The following TTK variants were observed in gnomAD, a reference collection of about 807,000 sequenced individuals.
TTK encodes dual specificity protein kinase TTK.
Under a neutral mutation model 117.3 loss-of-function variants are expected in TTK, and 59 were observed. The observed-to-expected ratio is 0.50, with a 90% CI of 0.41 to 0.62. The LOEUF is 0.62. Ranked by LOEUF, TTK falls within the 20% of genes least tolerant of loss-of-function variation. The pLI, the probability that TTK is intolerant of heterozygous loss-of-function variation, is 0.00. For synonymous variants in TTK, 302 were observed against 325.0 expected, an observed-to-expected ratio of 0.93 and a Z score of 0.76; for missense variants, 921 against 989.4, an observed-to-expected ratio of 0.93 and a Z score of 0.93.
At chr6:80,026,045 A>G (rs559362804) in intron 11 of TTK, among the ~76,000 whole-genome samples, 2 of 152,302 alleles carry the variant, frequency 1.3e-5, no homozygotes, top group East Asian at 3.9e-4. Flanking sequence ...TTTCAGAAAC[A>G]CAGGATACTA....
chr6:80,040,473 T>C (rs1768018656), intron 20 of TTK, 133 bp from the exon 21 acceptor site: 2 of 889,196 alleles, frequency 2.2e-6, no homozygotes, highest in South Asian at 4.4e-5. Context: ...TTATTTTTAC[T>C]TATTCCAGAT....
intron 18 of TTK, among the ~76,000 whole-genome samples, chr6:80,038,407 C>G (rs1019815205): frequency 6.6e-6 from 1 of 152,104 alleles, no homozygotes; most frequent in Non-Finnish European, 1.5e-5. Flanking sequence ...ACCCTTCTTT[C>G]TCTACATCAG....
At chr6:80,019,867 A>C (rs917785108) in intron 10 of TTK, among the ~76,000 whole-genome samples, 5 of 152,200 alleles carry the variant, frequency 3.3e-5, no homozygotes, top group Non-Finnish European at 5.9e-5. Context: ...TTGGTCAATA[A>C]ACTCAGACAA....
Position 80,008,151 on chromosome 6 carries a change from C to T in TTK, c.362+120C>T. ...AAAATATTAATTTTTTTACCAAATA[C>T]TTTTGCTTATAGTTAACAAGAGACT... On this transcript the variant is annotated intron_variant, in intron 3 of 21. Coordinates refer to ENST00000369798, the MANE Select transcript of TTK (RefSeq NM_003318.5). 4.8e-6 allele frequency: 6 copies of T among 1,238,630 alleles called. No homozygotes were observed. In the South Asian group the frequency reaches 8.1e-5, roughly 17 times the overall value. The allele number at this position is 1,238,630 out of a possible 1,614,324, so 76.7% of individuals were successfully genotyped here.
rs544489952 is a variant in TTK, at chr6:80,027,896, C to T, written c.1406C>T (p.Pro469Leu). ...TATATATTTCCTAGTTTTAGAACTC[C>T]AGTTGTAAAGAATGACTTTCCACCT... is the stretch of plus-strand genomic sequence containing the variant. ...LDDYMSCFRTPVVKNDFPPAC... is the reference protein window; with the variant it reads ...LDDYMSCFRTLVVKNDFPPAC... Residue 469 changes from proline (P) to leucine (L), a missense_variant, in exon 13 of 22, where the codon CCA (proline) becomes CTA (leucine). Coordinates refer to ENST00000369798, the MANE Select transcript of TTK (RefSeq NM_003318.5). 262 of 1,594,586 alleles carry T rather than the reference C, an allele frequency of 1.6e-4. 4 individuals carry two copies. The East Asian group carries it at 5.8e-3, about 36-fold the overall frequency.
intron 4 of TTK, among the ~76,000 whole-genome samples, chr6:80,009,489 C>G (rs1234374814): frequency 6.6e-6 from 1 of 152,016 alleles, no homozygotes; most frequent in African/African-American, 2.4e-5. Context: ...TTCCTCCTTG[C>G]TTGTTAGAGA....
At chr6:80,015,452 A>T (rs1172800497) in intron 10 of TTK, among the ~76,000 whole-genome samples, 1 of 152,088 alleles carries the variant, frequency 6.6e-6, no homozygotes, top group African/African-American at 2.4e-5. Flanking sequence ...ATTAATTTTT[A>T]ATTTGTTTTA....
Position 80,036,606 on chromosome 6 carries a change from C to T in TTK, c.2049+7C>T, listed in dbSNP as rs768646432. 3.1e-6 allele frequency: 5 copies of T among 1,602,646 alleles called. No homozygotes were observed. In the African/African-American group the frequency reaches 5.4e-5, roughly 17 times the overall value. ...TGTTGTTAAAGATTCTCAGGTAAGA[C>T]TTAATGTTGGTTCTCTCACAGTAGA... On this transcript the variant is annotated splice_region_variant and intron_variant, in intron 17 of 21. Coordinates refer to ENST00000369798, the MANE Select transcript of TTK (RefSeq NM_003318.5).
intron 14 of TTK, among the ~76,000 whole-genome samples, chr6:80,033,050 A>G (rs918095354): frequency 6.6e-6 from 1 of 152,160 alleles, no homozygotes; most frequent in Non-Finnish European, 1.5e-5. Flanking sequence ...TGCTATGCTA[A>G]TCATCTAAAA....
intron 10 of TTK, 111 bp from the exon 11 acceptor site, chr6:80,022,213 T>C (rs1392394389): frequency 2.5e-6 from 3 of 1,177,700 alleles, no homozygotes; most frequent in African/African-American, 1.6e-5. Context: ...CCCTCCTTGA[T>C]TGTTTTTAAG....
intron 8 of TTK, 93 bp downstream of exon 8, chr6:80,012,073 A>G: frequency 2.1e-6 from 2 of 955,374 alleles, no homozygotes; most frequent in Non-Finnish European, 3.0e-6. Context: ...AATAGTAATT[A>G]TGATTAAATT....
At chr6:80,018,626 CAAA>C (rs398048650) in intron 10 of TTK, among the ~76,000 whole-genome samples, 20 of 87,350 alleles carry the variant, frequency 2.3e-4, no homozygotes, top group South Asian at 3.7e-4. Flanking sequence ...GACTCCGTCT[CAAA>C]AAAAAAAAAA....
Position 80,042,320 on chromosome 6 carries a change from A to G in TTK, c.*118A>G, listed in dbSNP as rs1254341320. ...CATCACTCTGAAGTGTTATCAGCAA[A>G]AAAAATTCAGTAGATTATCTTTAAA... On this transcript the variant is annotated 3_prime_UTR_variant, in exon 22 of 22. Coordinates refer to ENST00000369798, the MANE Select transcript of TTK (RefSeq NM_003318.5). The G allele has an allele frequency of 6.9e-6, 5 of 727,490 alleles. No individual in the cohort carries two copies. Among genetic ancestry groups the G allele is most frequent in the Non-Finnish European group, 1.1e-5 (5 of 471,468 alleles). The allele number at this position is 727,490 out of a possible 1,614,324, so 45.1% of individuals were successfully genotyped here. A position where few individuals can be genotyped will look rare whatever the true frequency, so the allele number is the denominator to read the frequency against.
chr6:80,009,648 A>T (rs1455432232), intron 4 of TTK, among the ~76,000 whole-genome samples: 1 of 152,082 alleles, frequency 6.6e-6, no homozygotes, highest in African/African-American at 2.4e-5. Context: ...GACGAACTTT[A>T]TCTATACCAC....
In TTK at chr6:80,014,473, A is replaced by G. The variant is rs1208180715; in HGVS notation, c.995A>G (p.Asn332Ser). Residue 332 changes from asparagine to serine, a missense_variant, in exon 10 of 22, where the codon AAT becomes AGT. Physicochemically the swap from Asn to Ser is conservative, Grantham distance 46 (BLOSUM62 1). Coordinates refer to ENST00000369798, the MANE Select transcript of TTK (RefSeq NM_003318.5). ...TTCTTTTTCATGTAGTCTGTTCAAA[A>G]TAGTCATTTCAAGGAACCTCTGGTG... Reference protein sequence around the residue: ...CELRNLKSVQNSHFKEPLVSD... With the variant: ...CELRNLKSVQSSHFKEPLVSD... The G allele has an allele frequency of 1.2e-6, 2 of 1,605,954 alleles. No individual in the cohort carries two copies. Among genetic ancestry groups the G allele is most frequent in the Non-Finnish European group, 1.7e-6 (2 of 1,176,590 alleles).
intron 1 of TTK, 170 bp from the exon 2 acceptor site, chr6:80,005,672 T>G (rs550711132): frequency 1.6e-6 from 1 of 624,408 alleles, no homozygotes; most frequent in South Asian, 2.2e-5. Context: ...TACAAAGATG[T>G]GTACCTTGTT....
intron 14 of TTK, among the ~76,000 whole-genome samples, chr6:80,033,202 G>A (rs774155599): frequency 5.3e-5 from 8 of 152,078 alleles, no homozygotes; most frequent in Non-Finnish European, 1.0e-4. Context: ...TTTAGATTTC[G>A]CATATAAGTG....
chr6:80,023,983 A>G (rs1390636087), intron 11 of TTK, among the ~76,000 whole-genome samples: 1 of 152,198 alleles, frequency 6.6e-6, no homozygotes, highest in African/African-American at 2.4e-5. Context: ...CTATTTGAAA[A>G]TTGTACACTA....
chr6:80,007,656 T>G (rs1256719021), intron 2 of TTK, among the ~76,000 whole-genome samples, 153 bp from the exon 3 acceptor site: 2 of 152,154 alleles, frequency 1.3e-5, no homozygotes, highest in African/African-American at 2.4e-5. Flanking sequence ...TACTTGTATT[T>G]ATATGAACTT....
Sources: gnomAD v4.1 joint callset for allele counts (sites outside exome capture counted in the v4.1 genomes callset) on GRCh38, gnomAD v4.1.1 for gene constraint, MANE v1.5 for transcripts, NCBI Gene and HGNC (gene_info 2026-07-23, HGNC 2026-07-21) for gene names.